ARPP21: variants seen among roughly 807,000 people sequenced by gnomAD.
The protein encoded by ARPP21 is cAMP regulated phosphoprotein 21.
A neutral mutation model predicts 113.2 loss-of-function variants in ARPP21; 69 were observed. The observed-to-expected ratio is 0.61, with a 90% CI of 0.50 to 0.74. ARPP21 has a LOEUF of 0.74. Ranked by LOEUF, ARPP21 falls within the 30% of genes least tolerant of loss-of-function variation. ARPP21 has a pLI of 0.00. For synonymous variants in ARPP21, 368 were observed against 375.5 expected, an observed-to-expected ratio of 0.98 and a Z score of 0.23; for missense variants, 1,070 against 1,037.4, an observed-to-expected ratio of 1.03 and a Z score of -0.43.
chr3:35,788,271 C>T (rs774673106), intron 19 of ARPP21, among the ~76,000 whole-genome samples: 7 of 152,190 alleles, frequency 4.6e-5, no homozygotes, highest in Non-Finnish European at 1.5e-5. Flanking sequence ...CTACCTCACA[C>T]CGTGTACAAA....
Position 35,721,869 on chromosome 3 carries a change from A to G in ARPP21, c.1225+35A>G, listed in dbSNP as rs920953445. On this transcript the variant is annotated intron_variant, in intron 14 of 20. Transcript: ENST00000684406. ...ACTGAATGTGTTTATGTCCTGTGGT[A>G]TTTTTTGGATTCTACCCAAGCCATA... is the stretch of plus-strand genomic sequence containing the variant. The G allele has an allele frequency of 7.9e-6, 11 of 1,398,830 alleles. No homozygotes were observed. The African/African-American group carries it at 1.3e-4, about 16-fold the overall frequency. The allele number at this position is 1,398,830 out of a possible 1,614,324, so 86.7% of individuals were successfully genotyped here.
intron 19 of ARPP21, among the ~76,000 whole-genome samples, chr3:35,750,168 T>C (rs1313877280): frequency 2.0e-5 from 3 of 151,564 alleles, no homozygotes; most frequent in Non-Finnish European, 2.9e-5. Context: ...ATTTTTAATT[T>C]GAGATTTTTT....
At chr3:35,651,481 TTTGTTCTTTAGCGCTGAAAG>T (rs1351995631) in intron 1 of ARPP21, among the ~76,000 whole-genome samples, 1 of 152,094 alleles carries the variant, frequency 6.6e-6, no homozygotes, top group Non-Finnish European at 1.5e-5. Flanking sequence ...TTAACTATGC[TTTGTTCTTTAGCGCTGAAAG>T]TAAGCACTAA....
chr3:35,744,564 T>C, intron 19 of ARPP21: 1 of 521,000 alleles, frequency 1.9e-6, no homozygotes, highest in Non-Finnish European at 3.9e-6. Context: ...TGTGTCACAC[T>C]CCTAATGGAA....
chr3:35,688,893 T>TTG (rs397766274), intron 6 of ARPP21, among the ~76,000 whole-genome samples: 2 of 149,712 alleles, frequency 1.3e-5, no homozygotes, highest in Non-Finnish European at 3.0e-5. Context: ...TTTTTTTTTT[T>TTG]GCCTTCTTTG....
rs774430208 is a variant in ARPP21, at chr3:35,739,307, T to A, written c.1750-10T>A. The A allele has an allele frequency of 6.2e-7, 1 of 1,610,552 alleles. No individual in the cohort carries two copies. The highest frequency in any genetic ancestry group is 1.7e-5 in the Admixed American group (1 of 59,770). On this transcript the variant is annotated splice_polypyrimidine_tract_variant and intron_variant, in intron 17 of 20. Transcript: ENST00000684406. Reference sequence around the variant, plus strand: ...CTGTGAATTCCCTCATTTATTTCCATGACTTGCAGAGAGATGATGTGGCAA... The same window carrying A: ...CTGTGAATTCCCTCATTTATTTCCAAGACTTGCAGAGAGATGATGTGGCAA...
At chr3:35,744,021 T>C in intron 19 of ARPP21, 56 bp downstream of exon 19, 1 of 1,593,908 alleles carries the variant, frequency 6.3e-7, no homozygotes, top group African/African-American at 1.3e-5. Context: ...TGCTGGTGAA[T>C]CTTGTACTCT....
chr3:35,711,843 G>A (rs901372636), intron 11 of ARPP21, among the ~76,000 whole-genome samples: 1 of 152,170 alleles, frequency 6.6e-6, no homozygotes, highest in Non-Finnish European at 1.5e-5. Context: ...TGATTTAAGG[G>A]AGAAAGAGAG....
chr3:35,794,100 A>G lies in ARPP21; in HGVS notation c.*142A>G. 1.3e-6 allele frequency: 1 copy of G among 756,848 alleles called. No individual in the cohort carries two copies. Among genetic ancestry groups the G allele is most frequent in the Non-Finnish European group, 2.1e-6 (1 of 467,480 alleles). The allele number at this position is 756,848 out of a possible 1,614,324, so 46.9% of individuals were successfully genotyped here. On this transcript the variant is annotated 3_prime_UTR_variant, in exon 21 of 21. Coordinates refer to ENST00000684406, the MANE Select transcript of ARPP21 (RefSeq NM_001385562.1). ...GCTGGTATTCTGTAAAAAATAAACA[A>G]AGACTAATATACACGTTAGCTGGTT...
chr3:35,730,334 G>A (rs548191987), intron 15 of ARPP21, among the ~76,000 whole-genome samples: 10 of 152,350 alleles, frequency 6.6e-5, no homozygotes, highest in Non-Finnish European at 8.8e-5. Flanking sequence ...GGGCATTTTT[G>A]TCTCTGGCCC....
At chr3:35,759,448 A>C (rs2095683001) in intron 19 of ARPP21, among the ~76,000 whole-genome samples, 1 of 152,052 alleles carries the variant, frequency 6.6e-6, no homozygotes, top group Non-Finnish European at 1.5e-5. Flanking sequence ...CAGCTATTGA[A>C]GAATGTTTGG....
intron 17 of ARPP21, among the ~76,000 whole-genome samples, chr3:35,738,521 C>A (rs1025832882): frequency 6.6e-6 from 1 of 152,142 alleles, no homozygotes; most frequent in African/African-American, 2.4e-5. Context: ...CTGTCCCATG[C>A]TGAGTGCTTC....
chr3:35,688,458 A>T (rs879190372), intron 6 of ARPP21, among the ~76,000 whole-genome samples: 2 of 151,650 alleles, frequency 1.3e-5, no homozygotes, highest in Admixed American at 1.3e-4. Context: ...GCAAAAAGTC[A>T]TACATTTACA....
chr3:35,679,750 T>C (rs1239671134), intron 1 of ARPP21, 37 bp from the exon 2 acceptor site: 1 of 152,212 alleles, frequency 6.6e-6, no homozygotes, highest in Non-Finnish European at 1.5e-5. Flanking sequence ...ACCATGATTA[T>C]TGCAATTATT....
chr3:35,699,916 A>T (rs897544940), intron 9 of ARPP21, among the ~76,000 whole-genome samples: 3 of 151,830 alleles, frequency 2.0e-5, no homozygotes, highest in African/African-American at 7.2e-5. Context: ...CATATTTGGA[A>T]ATACACAGAT....
chr3:35,679,387 C>G (rs1371379600), intron 1 of ARPP21, among the ~76,000 whole-genome samples: 3 of 151,202 alleles, frequency 2.0e-5, no homozygotes, highest in Non-Finnish European at 4.4e-5. Flanking sequence ...ATAATGTAAT[C>G]TATAATTAAG....
Position 35,737,377 on chromosome 3 carries a change from G to A in ARPP21, c.1644+15G>A. 1.3e-6 allele frequency: 2 copies of A among 1,577,146 alleles called. No homozygotes were observed. The highest frequency in any genetic ancestry group is 1.7e-5 in the Admixed American group (1 of 58,172). On this transcript the variant is annotated intron_variant, in intron 16 of 20. Coordinates refer to ENST00000684406, the MANE Select transcript of ARPP21 (RefSeq NM_001385562.1). Reference sequence around the variant, plus strand: ...TGGTCACTCAGGTAGGGGGCTGGTTGGAAGGCAGGGAAGGGAAGTACCCTG... The same window carrying A: ...TGGTCACTCAGGTAGGGGGCTGGTTAGAAGGCAGGGAAGGGAAGTACCCTG...
chr3:35,658,022 A>C (rs1199538199), intron 1 of ARPP21, among the ~76,000 whole-genome samples: 3 of 152,172 alleles, frequency 2.0e-5, no homozygotes, highest in Admixed American at 2.0e-4. Context: ...GATAAAAAGT[A>C]ATTGCACATT....
chr3:35,761,354 A>G (rs189663282), intron 19 of ARPP21, among the ~76,000 whole-genome samples: 1 of 152,214 alleles, frequency 6.6e-6, no homozygotes, highest in Admixed American at 6.6e-5. Context: ...ACATCTGGCT[A>G]GCAGTTTTTG....
Sources: allele counts gnomAD v4.1 joint callset (sites outside exome capture counted in the v4.1 genomes callset), GRCh38; gene constraint gnomAD v4.1.1; transcripts MANE v1.5; gene names NCBI Gene and HGNC (gene_info 2026-07-23, HGNC 2026-07-21).